Variants in TAF1L observed in about 807,000 individuals in gnomAD.
TAF1L encodes the protein TATA-box binding protein associated factor 1 like.
TAF1L carries 30 observed loss-of-function variants against 128.8 expected under a neutral mutation model. The ratio of observed to expected loss-of-function variants is 0.23; its 90% confidence interval spans 0.17 to 0.32. The LOEUF is 0.32. Among genes scored for constraint, TAF1L ranks in the 10% least tolerant of loss-of-function variants. The pLI, the probability that TAF1L is intolerant of heterozygous loss-of-function variation, is 1.00. For synonymous variants in TAF1L, 764 were observed against 790.7 expected (o/e 0.97, Z 0.57); for missense variants, 2,099 against 2,253.7 (o/e 0.93, Z 1.39).
chr9:32,631,166 C>A lies in TAF1L; in HGVS notation c.4414G>T (p.Val1472Leu), dbSNP rs1426409183. The change falls in exon 1 of 1, where the codon GTG (valine) becomes TTG (leucine). Residue 1472 changes from valine to leucine, a missense_variant. Physicochemically the swap from Val to Leu is conservative, Grantham distance 32. Coordinates refer to ENST00000242310, the MANE Select transcript of TAF1L (RefSeq NM_153809.2). The surrounding 1 kb of genome is among the most constrained non-coding windows in gnomAD (Gnocchi z 4.1). ...CCATTGTAGGTCGCACTGTTTTTCA[C>A]AATTAGCTCCAGATGCTCTCTGAAC... ...EEFREHLELIVKNSATYNGPK... is the reference protein window; with the variant it reads ...EEFREHLELILKNSATYNGPK... 3.7e-6 allele frequency: 6 copies of A among 1,614,204 alleles called. No homozygotes were observed. Among genetic ancestry groups the A allele is most frequent in the Non-Finnish European group, 5.1e-6 (6 of 1,180,040 alleles).
In TAF1L at chr9:32,630,743, G is replaced by A. The variant is rs940948550; in HGVS notation, c.4837C>T (p.Gln1613Ter). 1.2e-6 allele frequency: 2 copies of A among 1,614,060 alleles called. No homozygotes were observed. ...TGGTAACAGATGTTCACAATCTCCT[G>A]AGCAGTCTTAGTGTACTGACTCTCA... ...GPESQYTKTA[Q>*]EIVNICYQTI... Residue 1613 changes from glutamine to a stop codon, truncating the protein, a stop_gained, in exon 1 of 1, where the codon CAG becomes TAG. Transcript: ENST00000242310. LOFTEE classifies it high-confidence loss of function.
Position 32,631,616 on chromosome 9 carries a change from A to C in TAF1L, c.3964T>G (p.Leu1322Val). ...VAMTEEQEEE[L>V]EKTVIHNDNE... ...TCATTATGAATGACTGTCTTTTCCA[A>C]CTCCTCCTCCTGCTCTTCTGTCATG... is the stretch of plus-strand genomic sequence containing the variant. Residue 1322 changes from leucine to valine, a missense_variant, in exon 1 of 1, where the codon TTG becomes GTG. Physicochemically the swap from Leu to Val is conservative, Grantham distance 32. This residue lies in a region of TAF1L where 1,213 missense variants were observed against 1,391.4 expected (regional missense o/e 0.87). Transcript: ENST00000242310. The surrounding 1 kb of genome is among the most constrained non-coding windows in gnomAD (Gnocchi z 4.1). 6.2e-7 allele frequency: 1 copy of C among 1,613,616 alleles called. No individual in the cohort carries two copies. The highest frequency in any genetic ancestry group is 1.1e-5 in the South Asian group (1 of 91,046).
Position 32,629,472 on chromosome 9 carries a change from G to A in TAF1L, c.*627C>T, listed in dbSNP as rs528328208. On this transcript the variant is annotated 3_prime_UTR_variant, in exon 1 of 1. Coordinates refer to ENST00000242310, the MANE Select transcript of TAF1L (RefSeq NM_153809.2). ...CATATAGGCTGTTTCAAAATTTATG[G>A]TAATTTGCCTCAAATCCATATAGGA... is the stretch of plus-strand genomic sequence containing the variant. 163 of 152,720 alleles carry A rather than the reference G, an allele frequency of 1.1e-3. No individual in the cohort carries two copies. The highest frequency in any genetic ancestry group is 1.8e-3 in the Non-Finnish European group (126 of 68,412). The allele number at this position is 152,720 out of a possible 1,614,324, so 9.5% of individuals were successfully genotyped here.
rs545988745 is a variant in TAF1L at position 32,631,220 on chromosome 9, G to T, written c.4360C>A (p.Arg1454Ser). The change falls in exon 1 of 1, where the codon CGT becomes AGT. Residue 1454 changes from arginine (R) to serine (S), a missense_variant. Physicochemically the swap from Arg to Ser is moderately radical, Grantham distance 110. Transcript: ENST00000242310. This position sits in a 1 kb window ranked among gnomAD's most constrained non-coding sequence, Gnocchi z 4.1. ...TCCCGAGATGGGTAGAGGCATTTAC[G>T]CACATTTTCACGGAGTGTTTGTAGG... ...MDLQTLRENV[R>S]KCLYPSREEF... 1 of 1,614,112 alleles carries T rather than the reference G, an allele frequency of 6.2e-7. No individual in the cohort carries two copies. Among genetic ancestry groups the T allele is most frequent in the Non-Finnish European group, 8.5e-7 (1 of 1,180,044 alleles).
rs1411633594 is a variant in TAF1L at position 32,633,227 on chromosome 9, G to A, written c.2353C>T (p.Arg785Trp). ...KMPETDFLII[R>W]TRQGYYIREL... The stretch of plus-strand genomic sequence containing the variant: ...CGAATATAGTAACCCTGTCTTGTCC[G>A]AATGATCAGAAAATCAGTTTCTGGC... The change falls in exon 1 of 1, where the codon CGG becomes TGG. Residue 785 changes from arginine (R) to tryptophan (W), a missense_variant. Physicochemically the swap from Arg to Trp is moderately radical, Grantham distance 101. Transcript: ENST00000242310. 8 of 1,614,136 alleles carry A rather than the reference G, an allele frequency of 5.0e-6. No individual in the cohort carries two copies. Among genetic ancestry groups the A allele is most frequent in the Non-Finnish European group, 5.9e-6 (7 of 1,180,030 alleles).
Position 32,635,144 on chromosome 9 carries a change from C to G in TAF1L, c.436G>C (p.Asp146His). ...AACTTGCAATCAATGTCTTCACAAT[C>G]AGCATCATAGTCATCTTCATCATAA... is the stretch of plus-strand genomic sequence containing the variant. The part of the protein sequence containing the change: ...SDYDEDDYDA[D>H]CEDIDCKLMP... The change falls in exon 1 of 1, where the codon GAT (aspartate) becomes CAT (histidine). Residue 146 changes from aspartate (D) to histidine (H), a missense_variant. Coordinates refer to ENST00000242310, the MANE Select transcript of TAF1L (RefSeq NM_153809.2). 1 of 1,614,176 alleles carries G rather than the reference C, an allele frequency of 6.2e-7. No individual in the cohort carries two copies.
chr9:32,635,585 G>A lies in TAF1L; in HGVS notation c.-6C>T. On this transcript the variant is annotated 5_prime_UTR_variant, in exon 1 of 1. Transcript: ENST00000242310. Reference sequence around the variant, plus strand: ...AAATCGCAGCCGGGTCGCATAAACCGGAAATAAAACAACAGTCGCCCGGAA... The same window carrying A: ...AAATCGCAGCCGGGTCGCATAAACCAGAAATAAAACAACAGTCGCCCGGAA... The A allele has an allele frequency of 6.3e-7, 1 of 1,590,046 alleles. No homozygotes were observed. Among genetic ancestry groups the A allele is most frequent in the Non-Finnish European group, 8.6e-7 (1 of 1,166,504 alleles).
In TAF1L at chr9:32,634,658, T is replaced by C. The variant is rs1394897076; in HGVS notation, c.922A>G (p.Lys308Glu). The change falls in exon 1 of 1, where the codon AAG (lysine) becomes GAG (glutamate). Residue 308 changes from lysine (K) to glutamate (E), a missense_variant. By Grantham distance (56) the Lys-to-Glu change is moderately conservative. Transcript: ENST00000242310. ...GCATAGTCATAGTTCCACAAAGACT[T>C]CTGGCTGACTTCTGATTCTACTGAG... The part of the protein sequence containing the change: ...ECSVESEVSQ[K>E]SLWNYDYAPP... 1 of 1,613,984 alleles carries C rather than the reference T, an allele frequency of 6.2e-7. No homozygotes were observed. Among genetic ancestry groups the C allele is most frequent in the Non-Finnish European group, 8.5e-7 (1 of 1,179,988 alleles).
Position 32,633,654 on chromosome 9 carries a change from G to A in TAF1L, c.1926C>T (p.Tyr642=). 1 of 1,614,130 alleles carries A rather than the reference G, an allele frequency of 6.2e-7. No homozygotes were observed. Among genetic ancestry groups the A allele is most frequent in the Non-Finnish European group, 8.5e-7 (1 of 1,180,010 alleles). The part of the protein sequence containing the change: ...RQFHRPPLKK[Y]SFGALSQPGP... The stretch of plus-strand genomic sequence containing the variant: ...CTGGCTGAGAGAGTGCACCAAATGA[G>A]TACTTTTTCAGAGGTGGGCGATGGA... Residue 642 remains tyrosine, a synonymous_variant, in exon 1 of 1, where the codon TAC becomes TAT. Coordinates refer to ENST00000242310, the MANE Select transcript of TAF1L (RefSeq NM_153809.2).
chr9:32,631,375 A>C lies in TAF1L; in HGVS notation c.4205T>G (p.Val1402Gly), dbSNP rs779205538. 1 of 1,614,188 alleles carries C rather than the reference A, an allele frequency of 6.2e-7. No homozygotes were observed. The highest frequency in any genetic ancestry group is 1.3e-5 in the African/African-American group (1 of 75,044). ...SIHRRRTDPM[V>G]TLSSILESII... ...AGACTCCAGGATGGATGACAGCGTC[A>C]CCATAGGGTCTGTGCGGCGTCGGTG... Residue 1402 changes from valine (V) to glycine (G), a missense_variant, in exon 1 of 1, where the codon GTG becomes GGG. Physicochemically the swap from Val to Gly is moderately radical, Grantham distance 109. Transcript: ENST00000242310. This position sits in a 1 kb window ranked among gnomAD's most constrained non-coding sequence, Gnocchi z 4.1.
rs2119088362 is a variant in TAF1L at position 32,634,750 on chromosome 9, C to T, written c.830G>A (p.Ser277Asn). 1 of 1,614,206 alleles carries T rather than the reference C, an allele frequency of 6.2e-7. No homozygotes were observed. ...PGKNVPSVWR[S>N]ARRKRKKHRE... Reference sequence around the variant, plus strand: ...ATGCTTCTTCCTCTTTCTCCGAGCACTCCGCCAAACAGATGGGACATTCTT... The same window carrying T: ...ATGCTTCTTCCTCTTTCTCCGAGCATTCCGCCAAACAGATGGGACATTCTT... The change falls in exon 1 of 1, where the codon AGT becomes AAT. Residue 277 changes from serine to asparagine, a missense_variant. Physicochemically the swap from Ser to Asn is conservative, Grantham distance 46. This residue lies in a region of TAF1L where 473 missense variants were observed against 429.6 expected (regional missense o/e 1.10). Transcript: ENST00000242310.
In TAF1L at chr9:32,630,653, C is replaced by T. The variant is rs749913622; in HGVS notation, c.4927G>A (p.Ala1643Thr). The T allele has an allele frequency of 2.5e-6, 4 of 1,614,154 alleles. No homozygotes were observed. The highest frequency in any genetic ancestry group is 2.2e-5 in the East Asian group (1 of 44,882). Residue 1643 changes from alanine (A) to threonine (T), a missense_variant, in exon 1 of 1, where the codon GCA (alanine) becomes ACA (threonine). Coordinates refer to ENST00000242310, the MANE Select transcript of TAF1L (RefSeq NM_153809.2). ...LEKDICTAKE[A>T]ALEEAELESL... Reference sequence around the variant, plus strand: ...TCTAATTCTGCTTCCTCCAAAGCTGCTTCTTTAGCTGTACAAATATCCTTC... The same window carrying T: ...TCTAATTCTGCTTCCTCCAAAGCTGTTTCTTTAGCTGTACAAATATCCTTC...
At position 32,630,065 on chromosome 9, in the gene TAF1L, C is replaced by A; in HGVS notation, c.*34G>T. The A allele has an allele frequency of 6.2e-7, 1 of 1,612,092 alleles. No homozygotes were observed. Among genetic ancestry groups the A allele is most frequent in the Non-Finnish European group, 8.5e-7 (1 of 1,179,188 alleles). ...TATCCTCCAAATCATGGGAAGCCTC[C>A]CCACCGTCTCCCTCATGGGACATCA... is the stretch of plus-strand genomic sequence containing the variant. On this transcript the variant is annotated 3_prime_UTR_variant, in exon 1 of 1. Transcript: ENST00000242310.
rs776992496 is a variant in TAF1L at position 32,631,278 on chromosome 9, C to G, written c.4302G>C (p.Lys1434Asn). ...FHTPVNAKVV[K>N]DYYKIITRPM... ...GCCGAGTGATGATTTTGTAGTAGTC[C>G]TTTACAACCTTTGCATTGACTGGAG... The change falls in exon 1 of 1, where the codon AAG becomes AAC. Residue 1434 changes from lysine (K) to asparagine (N), a missense_variant. Physicochemically the swap from Lys to Asn is moderately conservative, Grantham distance 94 (BLOSUM62 0). Coordinates refer to ENST00000242310, the MANE Select transcript of TAF1L (RefSeq NM_153809.2). This position sits in a 1 kb window ranked among gnomAD's most constrained non-coding sequence, Gnocchi z 4.1. 2 of 1,614,088 alleles carry G rather than the reference C, an allele frequency of 1.2e-6. No individual in the cohort carries two copies. The highest frequency in any genetic ancestry group is 1.7e-6 in the Non-Finnish European group (2 of 1,180,026).
At position 32,633,884 on chromosome 9, in the gene TAF1L, C is replaced by G; in HGVS notation, c.1696G>C (p.Val566Leu). The change falls in exon 1 of 1, where the codon GTC becomes CTC. Residue 566 changes from valine to leucine, a missense_variant. By Grantham distance (32) the Val-to-Leu change is conservative. Around this residue, in one of 4 missense-constraint regions of TAF1L, gnomAD observed 1,213 missense variants for 1,391.4 expected, o/e 0.87. Coordinates refer to ENST00000242310, the MANE Select transcript of TAF1L (RefSeq NM_153809.2). ...KSRILLGKTG[V>L]IREEPQQNMS... ...TTCTGCTGTGGTTCCTCCCTGATGACACCTGTTTTGCCCAAGAGAATTCGA... is the reference window on the plus strand; with the variant it reads ...TTCTGCTGTGGTTCCTCCCTGATGAGACCTGTTTTGCCCAAGAGAATTCGA... 6.2e-7 allele frequency: 1 copy of G among 1,614,190 alleles called. No homozygotes were observed. The highest frequency in any genetic ancestry group is 8.5e-7 in the Non-Finnish European group (1 of 1,180,040).
In TAF1L at chr9:32,633,303, C is replaced by A; in HGVS notation, c.2277G>T (p.Leu759=). The A allele has an allele frequency of 6.2e-7, 1 of 1,614,172 alleles. No individual in the cohort carries two copies. The highest frequency in any genetic ancestry group is 1.3e-5 in the African/African-American group (1 of 75,050). The stretch of plus-strand genomic sequence containing the variant: ...GAAAAAGGTTGTTCTCAAGTGCCTG[C>A]AGTAATTGGCCAGGATGGAGAGAGC... ...FLGSLHPGQL[L]QALENNLFRA... Residue 759 remains leucine, a synonymous_variant, in exon 1 of 1, where the codon CTG becomes CTT. Coordinates refer to ENST00000242310, the MANE Select transcript of TAF1L (RefSeq NM_153809.2).
rs766996879 is a variant in TAF1L, at chr9:32,630,559, G to A, written c.5021C>T (p.Ser1674Phe). 1 of 1,614,238 alleles carries A rather than the reference G, an allele frequency of 6.2e-7. No individual in the cohort carries two copies. The highest frequency in any genetic ancestry group is 8.5e-7 in the Non-Finnish European group (1 of 1,180,048). Residue 1674 changes from serine (S) to phenylalanine (F), a missense_variant, in exon 1 of 1, where the codon TCC (serine) becomes TTC (phenylalanine). Around this residue, in one of 4 missense-constraint regions of TAF1L, gnomAD observed 404 missense variants for 406.5 expected, o/e 0.99. Transcript: ENST00000242310. ...QPPDMYDTNT[S>F]LSTSRDASVF... Reference sequence around the variant, plus strand: ...AGAGGCATCTCGAGACGTACTGAGGGATGTGTTGGTATCATACATATCAGG... The same window carrying A: ...AGAGGCATCTCGAGACGTACTGAGGAATGTGTTGGTATCATACATATCAGG...
chr9:32,632,071 G>T lies in TAF1L; in HGVS notation c.3509C>A (p.Ala1170Asp). 1 of 1,614,164 alleles carries T rather than the reference G, an allele frequency of 6.2e-7. No individual in the cohort carries two copies. Among genetic ancestry groups the T allele is most frequent in the Non-Finnish European group, 8.5e-7 (1 of 1,180,044 alleles). Residue 1170 changes from alanine (A) to aspartate (D), a missense_variant, in exon 1 of 1, where the codon GCT becomes GAT. Physicochemically the swap from Ala to Asp is moderately radical, Grantham distance 126. Around this residue, in one of 4 missense-constraint regions of TAF1L, gnomAD observed 1,213 missense variants for 1,391.4 expected, o/e 0.87. Transcript: ENST00000242310. The surrounding 1 kb of genome is among the most constrained non-coding windows in gnomAD (Gnocchi z 4.4). The part of the protein sequence containing the change: ...SGNNHRDDVT[A>D]SMTSLKSSAT... ...AGAAGACTTAAGGCTAGTCATGGAAGCTGTGACATCATCTCTGTGATTGTT... is the reference window on the plus strand; with the variant it reads ...AGAAGACTTAAGGCTAGTCATGGAATCTGTGACATCATCTCTGTGATTGTT...
Position 32,634,342 on chromosome 9 carries a change from G to A in TAF1L, c.1238C>T (p.Thr413Ile). The part of the protein sequence containing the change: ...EFRKLEESNG[T>I]DLLADENFLM... ...GAAGTTTTCGTCAGCCAGAAGATCA[G>A]TGCCATTGCTTTCCTCAAGTTTCCT... The change falls in exon 1 of 1, where the codon ACT (threonine) becomes ATT (isoleucine). Residue 413 changes from threonine (T) to isoleucine (I), a missense_variant. Thr to Ile is a moderately conservative substitution (Grantham distance 89). This residue lies in a region of TAF1L where 1,213 missense variants were observed against 1,391.4 expected (regional missense o/e 0.87). Transcript: ENST00000242310. 1 of 1,614,206 alleles carries A rather than the reference G, an allele frequency of 6.2e-7. No homozygotes were observed. Among genetic ancestry groups the A allele is most frequent in the Non-Finnish European group, 8.5e-7 (1 of 1,180,036 alleles).
Sources: gnomAD v4.1 joint callset for allele counts on GRCh38, gnomAD v4.1.1 for gene constraint, gnomAD v4.1.1 regional missense constraint, Gnocchi (gnomAD v3.1) non-coding constraint, MANE v1.5 for transcripts, NCBI Gene and HGNC (gene_info 2026-07-23, HGNC 2026-07-21) for gene names.